Variants in MIA3 observed in about 807,000 individuals in gnomAD.
MIA3 encodes transport and Golgi organization protein 1 homolog.
Under a neutral mutation model 192.4 loss-of-function variants are expected in MIA3, and 90 were observed. The observed-to-expected ratio is 0.47, with a 90% CI of 0.39 to 0.56. The LOEUF (loss-of-function observed/expected upper bound fraction) is 0.56, where lower values mean the gene tolerates loss of function less well. MIA3 is among the 20% of genes least tolerant of loss of function. The pLI is 0.00. For synonymous variants in MIA3, 740 were observed against 792.8 expected (o/e 0.93, Z 1.12); for missense variants, 2,123 against 2,269.4 (o/e 0.94, Z 1.31).
chr1:222,656,362 G>A (rs895572373), intron 18 of MIA3, among the ~76,000 whole-genome samples: 1 of 152,152 alleles, frequency 6.6e-6, no homozygotes, highest in African/African-American at 2.4e-5. Context: ...CTTTCTGCTG[G>A]TTCTGGAATT....
intron 6 of MIA3, among the ~76,000 whole-genome samples, chr1:222,643,748 T>G (rs931602040): frequency 6.6e-6 from 1 of 151,670 alleles, no homozygotes; most frequent in Non-Finnish European, 1.5e-5. Flanking sequence ...CTGGGCAACA[T>G]AGGGAGACTC....
chr1:222,631,014 AG>A (rs2124850718), intron 4 of MIA3, among the ~76,000 whole-genome samples: 1 of 152,098 alleles, frequency 6.6e-6, no homozygotes, highest in East Asian at 1.9e-4. Flanking sequence ...TCTGATTCCT[AG>A]TTCCTTGTTC....
In MIA3 at chr1:222,627,602, G is replaced by A; in HGVS notation, c.382G>A (p.Gly128Arg). The part of the protein sequence containing the change: ...DETDFVCFDG[G>R]RDDFHNYNVE... Reference sequence around the variant, plus strand: ...GACGGATTTTGTTTGTTTTGATGGAGGAAGAGATGATTTTCATAATTATAA... The same window carrying A: ...GACGGATTTTGTTTGTTTTGATGGAAGAAGAGATGATTTTCATAATTATAA... Residue 128 changes from glycine (G) to arginine (R), a missense_variant, in exon 4 of 28, where the codon GGA (glycine) becomes AGA (arginine). Around this residue, in one of 3 missense-constraint regions of MIA3, gnomAD observed 1,357 missense variants for 1,396.1 expected, o/e 0.97. Coordinates refer to ENST00000344922, the MANE Select transcript of MIA3 (RefSeq NM_198551.4). The A allele has an allele frequency of 6.3e-7, 1 of 1,579,668 alleles. No individual in the cohort carries two copies. The highest frequency in any genetic ancestry group is 8.6e-7 in the Non-Finnish European group (1 of 1,169,476).
rs1363983968 is a variant in MIA3, at chr1:222,630,026, T to A, written c.2806T>A (p.Leu936Met). 1.2e-6 allele frequency: 2 copies of A among 1,613,980 alleles called. No individual in the cohort carries two copies. The highest frequency in any genetic ancestry group is 1.7e-6 in the Non-Finnish European group (2 of 1,180,032). ...ISSFFKEQQS[L>M]QRFQKYFNVH... ...CAGCTTCTTTAAAGAACAACAGTCT[T>A]TGCAGCGGTTCCAGAAGTACTTTAA... The change falls in exon 4 of 28, where the codon TTG becomes ATG. Residue 936 changes from leucine (L) to methionine (M), a missense_variant. By Grantham distance (15) the Leu-to-Met change is conservative. Around this residue, in one of 3 missense-constraint regions of MIA3, gnomAD observed 1,357 missense variants for 1,396.1 expected, o/e 0.97. Coordinates refer to ENST00000344922, the MANE Select transcript of MIA3 (RefSeq NM_198551.4).
At position 222,654,267 on chromosome 1, in the gene MIA3, A is replaced by G. The variant is rs771443496; in HGVS notation, c.4346A>G (p.Asn1449Ser). ...VGGDRNEKMK[N>S]QIKQMMDVSR... ...GGTGACCGGAATGAGAAGATGAAAA[A>G]TCAAATTAAGCAGATGATGGATGTC... Residue 1449 changes from asparagine (N) to serine (S), a missense_variant, in exon 16 of 28, where the codon AAT (asparagine) becomes AGT (serine). Transcript: ENST00000344922. 6.2e-7 allele frequency: 1 copy of G among 1,614,040 alleles called. No individual in the cohort carries two copies. The highest frequency in any genetic ancestry group is 1.7e-4 in the Middle Eastern group (1 of 6,060).
At chr1:222,645,490 G>T in intron 6 of MIA3, 64 bp from the exon 7 acceptor site, 1 of 1,453,492 alleles carries the variant, frequency 6.9e-7, no homozygotes, top group South Asian at 1.3e-5. Context: ...GAGTCTTTGT[G>T]ACTGCTTTAT....
intron 4 of MIA3, among the ~76,000 whole-genome samples, chr1:222,630,962 T>G (rs774693989): frequency 5.9e-5 from 9 of 152,206 alleles, no homozygotes; most frequent in Non-Finnish European, 1.2e-4. Context: ...GTGGAAGCCA[T>G]TCAGTTGAAT....
At position 222,659,478 on chromosome 1, in the gene MIA3, G is replaced by A; in HGVS notation, c.4735G>A (p.Glu1579Lys). 1.9e-6 allele frequency: 3 copies of A among 1,613,928 alleles called. No individual in the cohort carries two copies. Among genetic ancestry groups the A allele is most frequent in the Non-Finnish European group, 2.5e-6 (3 of 1,179,890 alleles). ...GCGGAGAATTGAAGAAATGGAGGAT[G>A]AATTACAGAAGACAGAGCGGTCATT... is the stretch of plus-strand genomic sequence containing the variant. Reference protein sequence around the residue: ...YKRRIEEMEDELQKTERSFKN... With the variant: ...YKRRIEEMEDKLQKTERSFKN... Residue 1579 changes from glutamate (E) to lysine (K), a missense_variant, in exon 20 of 28, where the codon GAA becomes AAA. Glu to Lys is a moderately conservative substitution (Grantham distance 56, BLOSUM62 1). Around this residue, in one of 3 missense-constraint regions of MIA3, gnomAD observed 762 missense variants for 856.4 expected, o/e 0.89. Coordinates refer to ENST00000344922, the MANE Select transcript of MIA3 (RefSeq NM_198551.4).
intron 1 of MIA3, 102 bp from the exon 2 acceptor site, chr1:222,621,057 G>A: frequency 2.0e-6 from 2 of 1,010,678 alleles, no homozygotes; most frequent in Non-Finnish European, 1.4e-6. Context: ...AAACTTGGTT[G>A]TTGTTTATAG....
At chr1:222,618,323 C>G in intron 1 of MIA3, 80 bp downstream of exon 1, 1 of 1,248,800 alleles carries the variant, frequency 8.0e-7, no homozygotes. Flanking sequence ...TCCGCGGCGG[C>G]GCCGCCTGGG....
intron 8 of MIA3, 104 bp from the exon 9 acceptor site, chr1:222,650,187 AT>A (rs1663351314): frequency 1.4e-6 from 1 of 737,478 alleles, no homozygotes; most frequent in East Asian, 2.7e-5. Context: ...CTGAGAAGTT[AT>A]TTTTTGTCAT....
At chr1:222,663,492 T>G (rs1416613409) in intron 26 of MIA3, among the ~76,000 whole-genome samples, 1 of 152,188 alleles carries the variant, frequency 6.6e-6, no homozygotes, top group East Asian at 1.9e-4. Flanking sequence ...TCCTGCATAT[T>G]TAGAACAAGA....
rs1662276730 is a variant in MIA3, at chr1:222,629,241, A to C, written c.2021A>C (p.Lys674Thr). 6.2e-7 allele frequency: 1 copy of C among 1,614,226 alleles called. No homozygotes were observed. The highest frequency in any genetic ancestry group is 1.7e-5 in the Admixed American group (1 of 60,028). ...AATASKQMSE[K>T]IRLSEGEAKE... ...ACAGCCAGTAAGCAAATGAGTGAGA[A>C]GATAAGGCTCTCTGAGGGAGAAGCC... The change falls in exon 4 of 28, where the codon AAG (lysine) becomes ACG (threonine). Residue 674 changes from lysine to threonine, a missense_variant. Coordinates refer to ENST00000344922, the MANE Select transcript of MIA3 (RefSeq NM_198551.4).
At position 222,654,124 on chromosome 1, in the gene MIA3, T is replaced by A. The variant is rs182744388; in HGVS notation, c.4322-119T>A. 99 of 956,026 alleles carry A rather than the reference T, an allele frequency of 1.0e-4. No homozygotes were observed. In the East Asian group the frequency reaches 1.8e-3, roughly 17 times the overall value. The allele number at this position is 956,026 out of a possible 1,614,324, so 59.2% of individuals were successfully genotyped here. On this transcript the variant is annotated intron_variant, in intron 15 of 27. Transcript: ENST00000344922. ...AAAGTCAGTCTAATCCTTTTCTGTT[T>A]TTGTTTGTTCTTTAAATGTTTGAAC...
At chr1:222,625,155 G>T in intron 3 of MIA3, among the ~76,000 whole-genome samples, 1 of 151,918 alleles carries the variant, frequency 6.6e-6, no homozygotes, top group Admixed American at 6.5e-5. Flanking sequence ...GACTATAGGC[G>T]CCCACCACCA....
Position 222,630,115 on chromosome 1 carries a change from G to A in MIA3, c.2895G>A (p.Glu965=), listed in dbSNP as rs200919201. 6.2e-7 allele frequency: 1 copy of A among 1,614,136 alleles called. No individual in the cohort carries two copies. Among genetic ancestry groups the A allele is most frequent in the African/African-American group, 1.3e-5 (1 of 74,952 alleles). The part of the protein sequence containing the change: ...MSSKLKSAQQ[E]SLPYNMEKVL... ...CAAAACTGAAGTCAGCGCAGCAGGA[G>A]AGCCTGCCCTATAATATGGAAAAAG... The change falls in exon 4 of 28, where the codon GAG becomes GAA. Residue 965 remains glutamate (E), a synonymous_variant. Coordinates refer to ENST00000344922, the MANE Select transcript of MIA3 (RefSeq NM_198551.4).
intron 3 of MIA3, among the ~76,000 whole-genome samples, chr1:222,625,252 G>T (rs562229765): frequency 6.6e-6 from 1 of 152,186 alleles, no homozygotes; most frequent in Non-Finnish European, 1.5e-5. Flanking sequence ...TGATCCGCCC[G>T]CCTCAGCCTC....
At chr1:222,625,648 C>T (rs190333685) in intron 3 of MIA3, among the ~76,000 whole-genome samples, 134 of 152,254 alleles carry the variant, frequency 8.8e-4, no homozygotes, top group African/African-American at 3.1e-3. Context: ...ATCTGTAAGG[C>T]GCTAACTACA....
chr1:222,665,518 G>T lies in MIA3; in HGVS notation c.5623G>T (p.Ala1875Ser). 6.2e-7 allele frequency: 1 copy of T among 1,614,036 alleles called. No homozygotes were observed. Among genetic ancestry groups the T allele is most frequent in the Non-Finnish European group, 8.5e-7 (1 of 1,179,986 alleles). The change falls in exon 28 of 28, where the codon GCT becomes TCT. Residue 1875 changes from alanine (A) to serine (S), a missense_variant. By Grantham distance (99) the Ala-to-Ser change is moderately conservative. Around this residue, in one of 3 missense-constraint regions of MIA3, gnomAD observed 762 missense variants for 856.4 expected, o/e 0.89. Transcript: ENST00000344922. Reference protein sequence around the residue: ...HGPQEYPPPPAVRDLLPSGSR... With the variant: ...HGPQEYPPPPSVRDLLPSGSR... ...TCCCCAGGAATACCCACCACCACCT[G>T]CTGTAAGAGACTTACTGCCGTCAGG...
Sources: allele counts gnomAD v4.1 joint callset (sites outside exome capture counted in the v4.1 genomes callset), GRCh38; gene constraint gnomAD v4.1.1; regional missense constraint gnomAD v4.1.1; transcripts MANE v1.5; gene names NCBI Gene and HGNC (gene_info 2026-07-23, HGNC 2026-07-21).